The following TMEM26 variants were observed in gnomAD, a reference collection of about 807,000 sequenced individuals.
The protein encoded by TMEM26 is transmembrane protein 26.
A neutral mutation model predicts 28.8 loss-of-function variants in TMEM26; 38 were observed. That is an observed-to-expected ratio of 1.32 (90% confidence interval 1.02 to 1.73). TMEM26 has a LOEUF of 1.73. Ranked by LOEUF, TMEM26 falls within the 40% of genes most tolerant of loss-of-function variation. TMEM26 has a pLI of 0.00. For missense variants in TMEM26, 518 were observed against 447.1 expected, an observed-to-expected ratio of 1.16 and a Z score of -1.43; for synonymous variants, 227 against 182.9, an observed-to-expected ratio of 1.24 and a Z score of -1.95.
intron 5 of TMEM26, among the ~76,000 whole-genome samples, 196 bp downstream of exon 5, chr10:61,413,263 T>C (rs536633994): frequency 6.6e-6 from 1 of 152,144 alleles, no homozygotes; most frequent in African/African-American, 2.4e-5. Flanking sequence ...TCTACTATCT[T>C]AAGCTCACCG....
rs1019784504 is a variant in TMEM26, at chr10:61,408,294, G to A, written c.*2028C>T. The A allele has an allele frequency of 1.3e-5, 2 of 152,086 alleles. No homozygotes were observed. Among genetic ancestry groups the A allele is most frequent in the East Asian group, 3.9e-4 (2 of 5,186 alleles). 9.4% of individuals were successfully genotyped at this position (152,086 alleles called of 1,614,324 possible). A position where few individuals can be genotyped will look rare whatever the true frequency, so the allele number is the denominator to read the frequency against. Reference sequence around the variant, plus strand: ...CAGGCTTTTTATTTCTCAAGCCCACGAGGAGTCTAATTACAAAATACTTTA... The same window carrying A: ...CAGGCTTTTTATTTCTCAAGCCCACAAGGAGTCTAATTACAAAATACTTTA... On this transcript the variant is annotated 3_prime_UTR_variant, in exon 6 of 6. Coordinates refer to ENST00000399298, the MANE Select transcript of TMEM26 (RefSeq NM_178505.8).
At chr10:61,415,354 G>A (rs557834696) in intron 4 of TMEM26, among the ~76,000 whole-genome samples, 1 of 152,178 alleles carries the variant, frequency 6.6e-6, no homozygotes, top group African/African-American at 2.4e-5. Context: ...GAAATGCCTT[G>A]GGAATGCAGA....
chr10:61,430,670 C>G (rs1839906673), intron 3 of TMEM26, among the ~76,000 whole-genome samples: 1 of 151,182 alleles, frequency 6.6e-6, no homozygotes. Context: ...TATATACTAG[C>G]AAAGAATAAG....
At chr10:61,426,525 G>T (rs149380940) in intron 4 of TMEM26, among the ~76,000 whole-genome samples, 2 of 151,994 alleles carry the variant, frequency 1.3e-5, no homozygotes, top group Non-Finnish European at 2.9e-5. Context: ...GCCAAAGGAA[G>T]GAAATTTATT....
chr10:61,443,488 C>T (rs1262370325), intron 1 of TMEM26, among the ~76,000 whole-genome samples: 2 of 149,942 alleles, frequency 1.3e-5, no homozygotes. Context: ...GTGCCAAGAT[C>T]GGTGGATAGG....
intron 2 of TMEM26, among the ~76,000 whole-genome samples, chr10:61,434,874 T>A (rs1839978764): frequency 6.6e-6 from 1 of 152,192 alleles, no homozygotes; most frequent in South Asian, 2.1e-4. Context: ...TGCTATAAAA[T>A]GACCAACTAT....
At chr10:61,449,640 G>T (rs1388101402) in intron 1 of TMEM26, among the ~76,000 whole-genome samples, 1 of 152,086 alleles carries the variant, frequency 6.6e-6, no homozygotes, top group East Asian at 1.9e-4. Flanking sequence ...GTAGTCCAAA[G>T]GAAGTTCATG....
chr10:61,418,369 A>C (rs138047352), intron 4 of TMEM26, among the ~76,000 whole-genome samples: 1 of 152,026 alleles, frequency 6.6e-6, no homozygotes, highest in Non-Finnish European at 1.5e-5. Flanking sequence ...CATTTTAAAC[A>C]GATGGCTCCC....
rs1173499261 is a variant in TMEM26 at position 61,429,009 on chromosome 10, G to A, written c.522C>T (p.Leu174=). Residue 174 remains leucine, a synonymous_variant, in exon 4 of 6, where the codon CTC becomes CTT. Coordinates refer to ENST00000399298, the MANE Select transcript of TMEM26 (RefSeq NM_178505.8). The stretch of plus-strand genomic sequence containing the variant: ...CCACAAACATAAGAAGAAGTTGAGA[G>A]AGTTGATCTCGAGTGATCCCGCCTC... The part of the protein sequence containing the change: ...PIGGGITRDQ[L]SQLLLMFVGT... The A allele has an allele frequency of 6.2e-7, 1 of 1,613,324 alleles. No homozygotes were observed. Among genetic ancestry groups the A allele is most frequent in the Non-Finnish European group, 8.5e-7 (1 of 1,179,436 alleles).
At chr10:61,423,128 TG>T (rs1302827576) in intron 4 of TMEM26, among the ~76,000 whole-genome samples, 1 of 152,086 alleles carries the variant, frequency 6.6e-6, no homozygotes, top group Non-Finnish European at 1.5e-5. Context: ...GAAAGGAAAA[TG>T]TAATCAAAAC....
At chr10:61,449,666 G>A (rs540875448) in intron 1 of TMEM26, among the ~76,000 whole-genome samples, 2 of 152,236 alleles carry the variant, frequency 1.3e-5, no homozygotes, top group East Asian at 3.9e-4. Flanking sequence ...GATTTTCAAA[G>A]AAAAGAACTT....
intron 1 of TMEM26, among the ~76,000 whole-genome samples, chr10:61,438,609 A>G (rs1840044614): frequency 6.6e-6 from 1 of 152,232 alleles, no homozygotes; most frequent in East Asian, 1.9e-4. Flanking sequence ...TCTTCTATGC[A>G]TAACATTTAT....
intron 4 of TMEM26, chr10:61,414,121 G>T: frequency 2.3e-6 from 2 of 881,318 alleles, no homozygotes; most frequent in Non-Finnish European, 2.7e-6. Context: ...TTAGTGCCTA[G>T]AACAGTGCTT....
chr10:61,410,290 G>A lies in TMEM26; in HGVS notation c.*32C>T, dbSNP rs1839546416. 6.4e-7 allele frequency: 1 copy of A among 1,570,186 alleles called. No individual in the cohort carries two copies. The highest frequency in any genetic ancestry group is 2.3e-5 in the East Asian group (1 of 44,354). On this transcript the variant is annotated 3_prime_UTR_variant, in exon 6 of 6. Transcript: ENST00000399298. ...CCCTGTAAGAAGAACCAGGGAGTCA[G>A]GTTCTAGCCGCAGACCACTGTCAAT... is the stretch of plus-strand genomic sequence containing the variant.
At position 61,410,261 on chromosome 10, in the gene TMEM26, T is replaced by C; in HGVS notation, c.*61A>G. On this transcript the variant is annotated 3_prime_UTR_variant, in exon 6 of 6. Transcript: ENST00000399298. ...CGCCAAGGTTGGAGGAGAAAAAGGATCCTCCCTGTAAGAAGAACCAGGGAG... is the reference window on the plus strand; with the variant it reads ...CGCCAAGGTTGGAGGAGAAAAAGGACCCTCCCTGTAAGAAGAACCAGGGAG... 6.7e-7 allele frequency: 1 copy of C among 1,487,284 alleles called. No individual in the cohort carries two copies. Among genetic ancestry groups the C allele is most frequent in the Non-Finnish European group, 9.1e-7 (1 of 1,104,736 alleles). 92.1% of individuals were successfully genotyped at this position (1,487,284 alleles called of 1,614,324 possible).
chr10:61,414,975 A>C, intron 4 of TMEM26: 2 of 985,236 alleles, frequency 2.0e-6, no homozygotes, highest in Non-Finnish European at 2.4e-6. Context: ...GGCTCCCCAC[A>C]GGGGGACTCT....
rs573314852 is a variant in TMEM26, at chr10:61,443,054, G to A, written c.192-6806C>T. Among the ~76,000 whole-genome samples the A allele has an allele frequency of 2.6e-4, 40 of 152,156 alleles. 1 individual carries two copies. Among genetic ancestry groups the A allele is most frequent in the African/African-American group, 9.6e-4 (40 of 41,512 alleles). ...ATTACCTCCCTTCCCAAAGCCCTTT[G>A]CATGTGCCTGTTCCCTGGCAAGAAA... On this transcript the variant is annotated intron_variant, in intron 1 of 5. Coordinates refer to ENST00000399298, the MANE Select transcript of TMEM26 (RefSeq NM_178505.8).
intron 4 of TMEM26, among the ~76,000 whole-genome samples, chr10:61,427,858 C>T (rs978186308): frequency 2.0e-5 from 3 of 152,052 alleles, no homozygotes; most frequent in African/African-American, 7.2e-5. Context: ...TTTGAAAATA[C>T]ATTTTACAGT....
chr10:61,436,116 G>A, intron 2 of TMEM26, 54 bp downstream of exon 2: 3 of 1,157,336 alleles, frequency 2.6e-6, no homozygotes, highest in Non-Finnish European at 3.8e-6. Context: ...GGATCATACT[G>A]TGAAAGTAGC....
Sources: gnomAD v4.1 joint callset for allele counts (sites outside exome capture counted in the v4.1 genomes callset) on GRCh38, gnomAD v4.1.1 for gene constraint, MANE v1.5 for transcripts, NCBI Gene and HGNC (gene_info 2026-07-23, HGNC 2026-07-21) for gene names.